TOM1L2: variants seen among roughly 807,000 people sequenced by gnomAD.
The protein encoded by TOM1L2 is target of myb1 like 2 membrane trafficking protein, also known as TOM1-like protein 2.
A neutral mutation model predicts 67.9 loss-of-function variants in TOM1L2; 31 were observed. The observed-to-expected ratio is 0.46, with a 90% CI of 0.34 to 0.62. The LOEUF is 0.62. Among genes scored for constraint, TOM1L2 ranks in the 20% least tolerant of loss-of-function variants. TOM1L2 has a pLI of 0.01. For missense variants in TOM1L2, 606 were observed against 663.5 expected (o/e 0.91, Z 0.95); for synonymous variants, 256 against 254.0 (o/e 1.01, Z -0.07).
intron 1 of TOM1L2, among the ~76,000 whole-genome samples, chr17:17,914,966 A>G (rs1237106844): frequency 6.6e-6 from 1 of 152,232 alleles, no homozygotes; most frequent in Non-Finnish European, 1.5e-5. Flanking sequence ...TTTGAGCAAC[A>G]GCTATATTTT....
intron 1 of TOM1L2, among the ~76,000 whole-genome samples, chr17:17,912,746 C>T (rs1405232406): frequency 4.0e-5 from 6 of 151,636 alleles, no homozygotes; most frequent in Non-Finnish European, 8.8e-5. Context: ...AGACGATGGG[C>T]GGCCAGGCAG....
chr17:17,959,235 G>A (rs944300988), intron 1 of TOM1L2, among the ~76,000 whole-genome samples: 3 of 152,228 alleles, frequency 2.0e-5, no homozygotes, highest in East Asian at 1.9e-4. Flanking sequence ...ACTGGCATGT[G>A]AAGTGGGGGC....
chr17:17,875,987 T>C (rs1471956152), intron 7 of TOM1L2, among the ~76,000 whole-genome samples: 2 of 152,228 alleles, frequency 1.3e-5, no homozygotes, highest in Non-Finnish European at 2.9e-5. Flanking sequence ...ATCTGCTACT[T>C]GGAGAAACGA....
intron 12 of TOM1L2, among the ~76,000 whole-genome samples, chr17:17,852,216 G>A (rs2036016275): frequency 1.3e-5 from 2 of 152,190 alleles, no homozygotes; most frequent in South Asian, 4.1e-4. Flanking sequence ...TCTATCAAAT[G>A]TAAAAAATAA....
intron 1 of TOM1L2, among the ~76,000 whole-genome samples, chr17:17,923,667 G>C (rs150590314): frequency 5.6e-4 from 85 of 152,076 alleles, no homozygotes; most frequent in Middle Eastern, 6.8e-3. Context: ...TCCAGCCTGG[G>C]CAAGAGGGTG....
chr17:17,862,429 TGCA>T (rs770131170), intron 11 of TOM1L2: 65 of 261,374 alleles, frequency 2.5e-4, no homozygotes, highest in Middle Eastern at 1.2e-3. Flanking sequence ...GGGTGGTGTC[TGCA>T]GCAGCAGCAG....
At position 17,896,601 on chromosome 17, in the gene TOM1L2, G is replaced by A. The variant is rs139714452; in HGVS notation, c.216+1995C>T. Among the ~76,000 whole-genome samples the A allele has an allele frequency of 6.6e-5, 10 of 152,316 alleles. No homozygotes were observed. The East Asian group carries it at 1.4e-3, about 21-fold the overall frequency. ...GGTCCTCCCTGGGCTGGCAAGAGCCGCTTTAGGCCACCCTGCCAAACAGGA... is the reference window on the plus strand; with the variant it reads ...GGTCCTCCCTGGGCTGGCAAGAGCCACTTTAGGCCACCCTGCCAAACAGGA... On this transcript the variant is annotated intron_variant, in intron 3 of 14. Transcript: ENST00000379504.
intron 6 of TOM1L2, among the ~76,000 whole-genome samples, chr17:17,882,483 G>A (rs2037775753): frequency 6.6e-6 from 1 of 152,132 alleles, no homozygotes; most frequent in African/African-American, 2.4e-5. Context: ...CTCAACCCTG[G>A]GCTCACAACT....
chr17:17,893,717 A>T lies in TOM1L2; in HGVS notation c.310T>A (p.Ser104Thr). 6.2e-7 allele frequency: 1 copy of T among 1,614,110 alleles called. No individual in the cohort carries two copies. The highest frequency in any genetic ancestry group is 1.6e-4 in the Middle Eastern group (1 of 6,062). The change falls in exon 4 of 15, where the codon TCT becomes ACT. Residue 104 changes from serine (S) to threonine (T), a missense_variant. Physicochemically the swap from Ser to Thr is moderately conservative, Grantham distance 58. Around this residue, in one of 2 missense-constraint regions of TOM1L2, gnomAD observed 543 missense variants for 554.0 expected, o/e 0.98. Coordinates refer to ENST00000379504, the MANE Select transcript of TOM1L2 (RefSeq NM_001082968.2). ...ATGGTGGGAGGGTTGTTCTTGGGAGATATAATTTTGACCAGAACACTGTCG... is the reference window on the plus strand; with the variant it reads ...ATGGTGGGAGGGTTGTTCTTGGGAGTTATAATTTTGACCAGAACACTGTCG... The part of the protein sequence containing the change: ...FIDSVLVKII[S>T]PKNNPPTIVQ...
intron 1 of TOM1L2, among the ~76,000 whole-genome samples, chr17:17,964,211 G>A (rs983589131): frequency 2.0e-5 from 3 of 152,152 alleles, no homozygotes; most frequent in Admixed American, 6.5e-5. Flanking sequence ...TCAACAAGCC[G>A]GGTCAGCAGG....
Position 17,893,648 on chromosome 17 carries a change from G to A in TOM1L2, c.366+13C>T. 1 of 1,611,482 alleles carries A rather than the reference G, an allele frequency of 6.2e-7. No individual in the cohort carries two copies. The highest frequency in any genetic ancestry group is 8.5e-7 in the Non-Finnish European group (1 of 1,178,620). On this transcript the variant is annotated intron_variant, in intron 4 of 14. Coordinates refer to ENST00000379504, the MANE Select transcript of TOM1L2 (RefSeq NM_001082968.2). Reference sequence around the variant, plus strand: ...ACTCTGTTCCAACAAATTGGGCAAGGGGTCCAACCTACCTGGATCAGAGCA... The same window carrying A: ...ACTCTGTTCCAACAAATTGGGCAAGAGGTCCAACCTACCTGGATCAGAGCA...
At chr17:17,882,405 C>G (rs577271112) in intron 6 of TOM1L2, among the ~76,000 whole-genome samples, 2 of 152,358 alleles carry the variant, frequency 1.3e-5, no homozygotes, top group South Asian at 4.1e-4. Context: ...TGCGGTCTCA[C>G]CTGACAAAGC....
chr17:17,852,895 A>G (rs1482909567), intron 12 of TOM1L2, among the ~76,000 whole-genome samples: 1 of 150,042 alleles, frequency 6.7e-6, no homozygotes, highest in African/African-American at 2.5e-5. Context: ...AAAAAAGAAC[A>G]TTGAATTGAA....
chr17:17,964,023 C>A (rs1055563346), intron 1 of TOM1L2, among the ~76,000 whole-genome samples: 2 of 152,140 alleles, frequency 1.3e-5, no homozygotes, highest in African/African-American at 4.8e-5. Flanking sequence ...AGAGATTCAT[C>A]ACCATAAACA....
At chr17:17,865,985 AC>A (rs1047143360) in intron 10 of TOM1L2, among the ~76,000 whole-genome samples, 9 of 151,862 alleles carry the variant, frequency 5.9e-5, no homozygotes, top group East Asian at 3.9e-4. Context: ...CAGGTGATCC[AC>A]CCACCTCGGC....
chr17:17,969,244 A>G (rs936207953), intron 1 of TOM1L2, among the ~76,000 whole-genome samples: 5 of 151,948 alleles, frequency 3.3e-5, no homozygotes, highest in Admixed American at 6.6e-5. Flanking sequence ...ACTAGTAGAG[A>G]CAGGGTTTCA....
chr17:17,899,080 G>A (rs2038721129), intron 2 of TOM1L2, among the ~76,000 whole-genome samples: 1 of 152,234 alleles, frequency 6.6e-6, no homozygotes, highest in East Asian at 1.9e-4. Context: ...TGCCCCTAAG[G>A]AAGGGAACCA....
chr17:17,879,741 A>G lies in TOM1L2; in HGVS notation c.663T>C (p.Ile221=). The change falls in exon 7 of 15, where the codon ATT becomes ATC. Residue 221 remains isoleucine (I), a splice_region_variant and synonymous_variant. Transcript: ENST00000379504. ...TGPITANSEQ[I]ARLRSELDVV... is the part of the protein sequence containing the mutation. The stretch of plus-strand genomic sequence containing the variant: ...CGTCCAGTTCACTCCGCAGCCTGGC[A>G]ATCTGGTGGGGGCCACGAGGAAGGA... 6.2e-7 allele frequency: 1 copy of G among 1,613,878 alleles called. No individual in the cohort carries two copies. Among genetic ancestry groups the G allele is most frequent in the South Asian group, 1.1e-5 (1 of 91,072 alleles).
chr17:17,902,354 T>C (rs998362404), intron 2 of TOM1L2, among the ~76,000 whole-genome samples: 1 of 152,154 alleles, frequency 6.6e-6, no homozygotes, highest in Non-Finnish European at 1.5e-5. Context: ...AGTTTACCAA[T>C]CTGCACCCAC....
Sources: gnomAD v4.1 joint callset for allele counts (sites outside exome capture counted in the v4.1 genomes callset) on GRCh38, gnomAD v4.1.1 for gene constraint, gnomAD v4.1.1 regional missense constraint, MANE v1.5 for transcripts, NCBI Gene and HGNC (gene_info 2026-07-23, HGNC 2026-07-21) for gene names.